The following FSHR variants were observed in gnomAD, a reference collection of about 807,000 sequenced individuals.
FSHR encodes the protein follicle stimulating hormone receptor, also known as follicle-stimulating hormone receptor.
FSHR carries 46 observed loss-of-function variants against 52.1 expected under a neutral mutation model. The observed-to-expected ratio is 0.88, with a 90% CI of 0.70 to 1.13. The LOEUF is 1.13. Ranked by LOEUF, FSHR falls within the 50% of genes most tolerant of loss-of-function variation. The pLI is 0.00. For synonymous variants in FSHR, 399 were observed against 309.6 expected, an observed-to-expected ratio of 1.29 and a Z score of -3.03; for missense variants, 964 against 834.6, an observed-to-expected ratio of 1.16 and a Z score of -1.91.
At chr2:49,130,475 G>A (rs558308554) in intron 1 of FSHR, among the ~76,000 whole-genome samples, 73 of 152,282 alleles carry the variant, frequency 4.8e-4, no homozygotes, top group African/African-American at 1.7e-3. Context: ...TAGCCATTCT[G>A]TCAGCCTAGA....
At chr2:49,074,706 A>C (rs1348425016) in intron 1 of FSHR, among the ~76,000 whole-genome samples, 1 of 150,938 alleles carries the variant, frequency 6.6e-6, no homozygotes, top group Non-Finnish European at 1.5e-5. Flanking sequence ...TACTATATCA[A>C]AGAGACATCT....
chr2:49,151,704 A>G (rs907117478), intron 1 of FSHR, among the ~76,000 whole-genome samples: 1 of 152,126 alleles, frequency 6.6e-6, no homozygotes, highest in African/African-American at 2.4e-5. Flanking sequence ...CCTACACCTC[A>G]TGTAATCATT....
intron 4 of FSHR, among the ~76,000 whole-genome samples, chr2:49,007,644 A>T (rs989283503): frequency 1.3e-5 from 2 of 152,144 alleles, no homozygotes; most frequent in Non-Finnish European, 2.9e-5. Context: ...ATGTATTTCC[A>T]TGATAGAATG....
rs564550852 is a variant in FSHR at position 49,013,272 on chromosome 2, A to C, written c.374+4217T>G. 2.0e-5 allele frequency among the ~76,000 whole-genome samples: 3 copies of C among 151,710 alleles called. No homozygotes were observed. In the South Asian group the frequency reaches 6.2e-4, roughly 32 times the overall value. On this transcript the variant is annotated intron_variant, in intron 4 of 9. Transcript: ENST00000406846. ...TGTCAGAAATAAATTTCTGTTGTTT[A>C]ATTTACTTAGCGTATGGTATTTTGT...
intron 2 of FSHR, among the ~76,000 whole-genome samples, chr2:49,059,416 A>G (rs948178550): frequency 2.3e-4 from 25 of 108,762 alleles, no homozygotes; most frequent in Middle Eastern, 8.5e-3. Flanking sequence ...GTACTGGGGG[A>G]AAAAAAAAAC....
chr2:49,070,454 A>G (rs1303528554), intron 1 of FSHR, among the ~76,000 whole-genome samples: 2 of 152,164 alleles, frequency 1.3e-5, no homozygotes. Flanking sequence ...TTTTGTTCCT[A>G]TTTAACACAA....
chr2:49,012,134 G>C (rs1667299316), intron 4 of FSHR, among the ~76,000 whole-genome samples: 1 of 152,080 alleles, frequency 6.6e-6, no homozygotes, highest in African/African-American at 2.4e-5. Context: ...CTGTGTGAAA[G>C]GTTTGCTAAA....
At chr2:49,127,818 TTC>T (rs1672085705) in intron 1 of FSHR, among the ~76,000 whole-genome samples, 1 of 68,334 alleles carries the variant, frequency 1.5e-5, no homozygotes, top group African/African-American at 5.9e-5. Flanking sequence ...CTTCTTCTTC[TTC>T]TTCTTCTTCC....
At chr2:48,998,256 AGGT>A (rs1453810612) in intron 4 of FSHR, among the ~76,000 whole-genome samples, 1 of 152,062 alleles carries the variant, frequency 6.6e-6, no homozygotes, top group Non-Finnish European at 1.5e-5. Flanking sequence ...TTTAAGTGAA[AGGT>A]GGTATATTAA....
intron 1 of FSHR, among the ~76,000 whole-genome samples, chr2:49,100,302 C>T (rs1670980684): frequency 6.6e-6 from 1 of 151,928 alleles, no homozygotes; most frequent in African/African-American, 2.4e-5. Flanking sequence ...TGAACTGGTA[C>T]CAAAAAGAAG....
At chr2:49,108,069 G>T (rs1671295781) in intron 1 of FSHR, among the ~76,000 whole-genome samples, 1 of 152,090 alleles carries the variant, frequency 6.6e-6, no homozygotes, top group African/African-American at 2.4e-5. Context: ...CTTCTCTAAC[G>T]TGAATGGGCA....
At chr2:49,053,964 G>C (rs1668962423) in intron 2 of FSHR, among the ~76,000 whole-genome samples, 2 of 152,132 alleles carry the variant, frequency 1.3e-5, no homozygotes, top group South Asian at 4.1e-4. Context: ...TAGAGAAGTT[G>C]AAACACTTGT....
At chr2:49,071,812 A>C (rs1669743851) in intron 1 of FSHR, among the ~76,000 whole-genome samples, 1 of 152,100 alleles carries the variant, frequency 6.6e-6, no homozygotes, top group East Asian at 1.9e-4. Context: ...AAGGATGAGG[A>C]AGGGAAGGGA....
intron 2 of FSHR, among the ~76,000 whole-genome samples, chr2:49,067,166 C>T (rs767765048): frequency 3.3e-5 from 5 of 152,054 alleles, no homozygotes; most frequent in African/African-American, 4.8e-5. Context: ...AGATAAAATG[C>T]TTTAATCGAG....
At chr2:49,044,508 T>C (rs1434330863) in intron 2 of FSHR, among the ~76,000 whole-genome samples, 1 of 152,210 alleles carries the variant, frequency 6.6e-6, no homozygotes, top group Non-Finnish European at 1.5e-5. Flanking sequence ...TGATTAGCTC[T>C]GCAGCATTCC....
At chr2:49,148,539 G>C (rs550803351) in intron 1 of FSHR, among the ~76,000 whole-genome samples, 1 of 152,002 alleles carries the variant, frequency 6.6e-6, no homozygotes, top group South Asian at 2.1e-4. Context: ...GACACACTAA[G>C]GTGTACAAAG....
In FSHR at chr2:49,064,062, TTGTGTG is replaced by T. The variant is rs61681324; in HGVS notation, c.224+4151_224+4156del. Reference sequence around the variant, plus strand: ...AAAAAAGTGGTAAGGCATGAAGAGTTTGTGTGTGTGTGTGTGTGTGTGTGTTTGCAC... The same window carrying T: ...AAAAAAGTGGTAAGGCATGAAGAGTTTGTGTGTGTGTGTGTGTGTTTGCAC... On this transcript the variant is annotated intron_variant, in intron 2 of 9. Coordinates refer to ENST00000406846, the MANE Select transcript of FSHR (RefSeq NM_000145.4). 2.0e-3 allele frequency among the ~76,000 whole-genome samples: 296 copies of T among 148,714 alleles called. 2 individuals are homozygous for T. Among genetic ancestry groups the T allele is most frequent in the African/African-American group, 6.8e-3 (277 of 40,450 alleles).
intron 3 of FSHR, among the ~76,000 whole-genome samples, chr2:49,019,689 G>T (rs1195767890): frequency 1.3e-5 from 2 of 152,226 alleles, no homozygotes; most frequent in African/African-American, 2.4e-5. Context: ...TCTTGGCCAA[G>T]GTTTCATGGT....
intron 1 of FSHR, among the ~76,000 whole-genome samples, chr2:49,082,672 C>A (rs2103660832): frequency 6.6e-6 from 1 of 152,098 alleles, no homozygotes; most frequent in Middle Eastern, 3.4e-3. Flanking sequence ...AGCTGAAAAC[C>A]AAGGCTCAAG....
Sources: allele counts gnomAD v4.1 joint callset (sites outside exome capture counted in the v4.1 genomes callset), GRCh38; gene constraint gnomAD v4.1.1; transcripts MANE v1.5; gene names NCBI Gene and HGNC (gene_info 2026-07-23, HGNC 2026-07-21).